Variants in WDFY4 observed in about 807,000 individuals in gnomAD.
The protein encoded by WDFY4 is WDFY family member 4.
In WDFY4, 169 loss-of-function variants were observed where a neutral mutation model predicts 351.9. The observed-to-expected ratio is 0.48, with a 90% CI of 0.42 to 0.55. The LOEUF (loss-of-function observed/expected upper bound fraction) is 0.55. WDFY4 is among the 20% of genes least tolerant of loss of function. The pLI is 0.00. For missense variants in WDFY4, 3,803 were observed against 3,935.6 expected (o/e 0.97, Z 0.90); for synonymous variants, 1,622 against 1,574.6 (o/e 1.03, Z -0.71).
At chr10:48,721,496 C>T in intron 4 of WDFY4, 129 bp downstream of exon 4, 1 of 794,838 alleles carries the variant, frequency 1.3e-6, no homozygotes, top group South Asian at 1.7e-5. Context: ...TATTTCTCCT[C>T]CCTCCTCCCC....
intron 7 of WDFY4, 39 bp from the exon 8 acceptor site, chr10:48,729,393 C>T (rs771712375): frequency 1.3e-6 from 2 of 1,547,224 alleles, no homozygotes; most frequent in Non-Finnish European, 8.7e-7. Context: ...GCTGCTCCAT[C>T]TAGGAAGTAC....
chr10:48,710,041 T>G, intron 2 of WDFY4, 75 bp downstream of exon 2: 1 of 1,358,006 alleles, frequency 7.4e-7, no homozygotes, highest in Middle Eastern at 1.9e-4. Flanking sequence ...CATAGTGAAG[T>G]TGATGGTTTT....
intron 11 of WDFY4, among the ~76,000 whole-genome samples, chr10:48,736,544 A>G (rs919941031): frequency 6.6e-6 from 1 of 152,246 alleles, no homozygotes; most frequent in African/African-American, 2.4e-5. Context: ...TGCAGCTCAA[A>G]TCAGCAATGG....
intron 11 of WDFY4, among the ~76,000 whole-genome samples, chr10:48,738,866 C>T (rs1053679943): frequency 6.6e-6 from 1 of 152,172 alleles, no homozygotes; most frequent in African/African-American, 2.4e-5. Context: ...CACAGCATGC[C>T]ATCACTCTGC....
intron 12 of WDFY4, among the ~76,000 whole-genome samples, chr10:48,753,110 T>C (rs1161809645): frequency 6.6e-6 from 1 of 152,230 alleles, no homozygotes; most frequent in Non-Finnish European, 1.5e-5. Flanking sequence ...TTTGTTTCTC[T>C]AATGGCTAAT....
At chr10:48,931,137 G>A (rs188241018) in intron 47 of WDFY4, among the ~76,000 whole-genome samples, 75 of 150,140 alleles carry the variant, frequency 5.0e-4, no homozygotes, top group African/African-American at 1.3e-3. Flanking sequence ...ACACGATTCC[G>A]CTTCTTTTCC....
rs575892912 is a variant in WDFY4 at position 48,855,975 on chromosome 10, A to T, written c.6664-11290A>T. 2.6e-4 allele frequency among the ~76,000 whole-genome samples: 40 copies of T among 152,164 alleles called. 1 individual carries two copies. The highest frequency in any genetic ancestry group is 5.4e-4 in the Non-Finnish European group (37 of 67,978). The stretch of plus-strand genomic sequence containing the variant: ...AACAGTATATATAGGGTTCAGTACT[A>T]TCTGTGGTTTCAGGCATTCTTGGAA... On this transcript the variant is annotated intron_variant, in intron 39 of 61. Coordinates refer to ENST00000325239, the MANE Select transcript of WDFY4 (RefSeq NM_001394531.1).
At chr10:48,966,332 C>T (rs938113271) in intron 54 of WDFY4, among the ~76,000 whole-genome samples, 194 bp from the exon 55 acceptor site, 4 of 152,150 alleles carry the variant, frequency 2.6e-5, no homozygotes, top group Non-Finnish European at 4.4e-5. Context: ...AAGTAGCTGT[C>T]CCTCTGTGAG....
intron 39 of WDFY4, among the ~76,000 whole-genome samples, chr10:48,847,125 G>A (rs751982750): frequency 6.6e-5 from 10 of 152,140 alleles, no homozygotes; most frequent in Non-Finnish European, 1.3e-4. Flanking sequence ...CTAGAGGTCC[G>A]AGAAGAAAGT....
intron 30 of WDFY4, among the ~76,000 whole-genome samples, 173 bp downstream of exon 30, chr10:48,811,881 C>G (rs2067459135): frequency 6.6e-6 from 1 of 152,206 alleles, no homozygotes; most frequent in Non-Finnish European, 1.5e-5. Flanking sequence ...CCTTCAAATG[C>G]TCCCCTTCCA....
At chr10:48,787,980 T>TCTTCTTCTTCTTCTTCTC (rs2066540212) in intron 20 of WDFY4, among the ~76,000 whole-genome samples, 3 of 52,994 alleles carry the variant, frequency 5.7e-5, no homozygotes, top group Non-Finnish European at 1.2e-4. Flanking sequence ...TTCTTCTTCT[T>TCTTCTTCTTCTTCTTCTC]CTTCTCCTTC....
intron 57 of WDFY4, 136 bp from the exon 58 acceptor site, chr10:48,974,726 A>G: frequency 1.1e-6 from 1 of 912,096 alleles, no homozygotes; most frequent in East Asian, 2.7e-5. Flanking sequence ...TGCACAGACA[A>G]CAGACTTGGG....
At chr10:48,785,194 A>ATATATATATAC (rs1293273892) in intron 19 of WDFY4, among the ~76,000 whole-genome samples, 3 of 152,212 alleles carry the variant, frequency 2.0e-5, no homozygotes, top group East Asian at 3.9e-4. Context: ...TTAGGGTTTT[A>ATATATATATAC]AAATGTATAC....
chr10:48,817,552 T>G, intron 32 of WDFY4, 143 bp downstream of exon 32: 1 of 1,078,282 alleles, frequency 9.3e-7, no homozygotes, highest in Admixed American at 2.9e-5. Flanking sequence ...ATAAGCAGCT[T>G]GGATAACCAT....
chr10:48,923,247 G>T (rs1160682411), intron 47 of WDFY4, among the ~76,000 whole-genome samples: 2 of 151,948 alleles, frequency 1.3e-5, no homozygotes, highest in Admixed American at 1.3e-4. Flanking sequence ...TCTCCCTGGT[G>T]TATGCACTGG....
Position 48,811,666 on chromosome 10 carries a change from C to T in WDFY4, c.5172C>T (p.Phe1724=), listed in dbSNP as rs2067451204. The part of the protein sequence containing the change: ...IPEVYLIVST[F]FLQTPLTELM... ...AGGTCTACCTCATCGTCTCCACCTTCTTCCTGCAGACACCACTCACAGAGC... is the reference window on the plus strand; with the variant it reads ...AGGTCTACCTCATCGTCTCCACCTTTTTCCTGCAGACACCACTCACAGAGC... Residue 1724 remains phenylalanine (F), a synonymous_variant, in exon 30 of 62, where the codon TTC becomes TTT. Coordinates refer to ENST00000325239, the MANE Select transcript of WDFY4 (RefSeq NM_001394531.1). 1.9e-6 allele frequency: 3 copies of T among 1,551,742 alleles called. No individual in the cohort carries two copies. Among genetic ancestry groups the T allele is most frequent in the Admixed American group, 2.0e-5 (1 of 50,990 alleles).
chr10:48,923,654 A>G (rs944858981), intron 47 of WDFY4, among the ~76,000 whole-genome samples: 1 of 151,912 alleles, frequency 6.6e-6, no homozygotes, highest in African/African-American at 2.4e-5. Context: ...CTGTATGAGC[A>G]TATTGAGTGC....
chr10:48,823,354 A>G (rs560486315), intron 35 of WDFY4: 23 of 1,266,140 alleles, frequency 1.8e-5, no homozygotes, highest in African/African-American at 6.2e-5. Flanking sequence ...ACCTCCAGCA[A>G]CTCCTGCCAG....
intron 60 of WDFY4, among the ~76,000 whole-genome samples, chr10:48,979,444 T>C (rs1842712968): frequency 6.6e-6 from 1 of 152,222 alleles, no homozygotes; most frequent in Non-Finnish European, 1.5e-5. Context: ...AGTTTTGGGC[T>C]CAAATGCCCA....
Sources: allele counts gnomAD v4.1 joint callset (sites outside exome capture counted in the v4.1 genomes callset), GRCh38; gene constraint gnomAD v4.1.1; transcripts MANE v1.5; gene names NCBI Gene and HGNC (gene_info 2026-07-23, HGNC 2026-07-21).